Variants in CDH4 observed in about 807,000 individuals in gnomAD.
The protein encoded by CDH4 is cadherin-4.
In CDH4, 33 loss-of-function variants were observed where a neutral mutation model predicts 86.0. The observed-to-expected ratio is 0.38, with a 90% CI of 0.29 to 0.51. CDH4 has a LOEUF of 0.51. Among genes scored for constraint, CDH4 ranks in the 20% least tolerant of loss-of-function variants. The pLI is 0.86. For synonymous variants in CDH4, 555 were observed against 549.4 expected (o/e 1.01, Z -0.14); for missense variants, 1,114 against 1,307.4 (o/e 0.85, Z 2.28).
At chr20:61,596,244 G>A (rs1440601600) in intron 2 of CDH4, among the ~76,000 whole-genome samples, 1 of 152,240 alleles carries the variant, frequency 6.6e-6, no homozygotes, top group Non-Finnish European at 1.5e-5. Flanking sequence ...AGGAATGGAA[G>A]ATGTAGCTAT....
rs1479096732 is a variant in CDH4, at chr20:61,544,843, A to G, written c.170-198720A>G. The stretch of plus-strand genomic sequence containing the variant: ...CCTTGTTCCTCGGTTATAAAACTTG[A>G]GCTTTTAATTGAGGGGAGGGGGGAT... On this transcript the variant is annotated intron_variant, in intron 2 of 15. Coordinates refer to ENST00000614565, the MANE Select transcript of CDH4 (RefSeq NM_001794.5). The surrounding 1 kb of genome is among the most constrained non-coding windows in gnomAD (Gnocchi z 6.5). Among the ~76,000 whole-genome samples, 1 of 151,928 alleles carries G rather than the reference A, an allele frequency of 6.6e-6. No homozygotes were observed. Among genetic ancestry groups the G allele is most frequent in the Non-Finnish European group, 1.5e-5 (1 of 67,988 alleles).
intron 2 of CDH4, among the ~76,000 whole-genome samples, chr20:61,460,834 C>T (rs2085437954): frequency 6.6e-6 from 1 of 152,170 alleles, no homozygotes; most frequent in East Asian, 1.9e-4. Flanking sequence ...GTGTATCTGG[C>T]TCGATGCATG....
At chr20:61,376,897 A>G (rs963296504) in intron 2 of CDH4, among the ~76,000 whole-genome samples, 4 of 152,184 alleles carry the variant, frequency 2.6e-5, no homozygotes, top group African/African-American at 9.6e-5. Context: ...AAATGCCCTG[A>G]TCTGACAGCC....
chr20:61,281,987 A>G (rs2084261446), intron 2 of CDH4, among the ~76,000 whole-genome samples: 1 of 152,340 alleles, frequency 6.6e-6, no homozygotes, highest in East Asian at 1.9e-4. Flanking sequence ...GGGTTGGGCC[A>G]GTCAGCAGCC....
At chr20:61,591,968 G>A (rs1056669354) in intron 2 of CDH4, among the ~76,000 whole-genome samples, 22 of 152,076 alleles carry the variant, frequency 1.4e-4, no homozygotes, top group South Asian at 4.1e-4. Context: ...AGCAAATACC[G>A]CCAACTGTTT....
intron 4 of CDH4, among the ~76,000 whole-genome samples, chr20:61,773,877 T>C (rs2088808669): frequency 6.6e-6 from 1 of 152,110 alleles, no homozygotes; most frequent in Non-Finnish European, 1.5e-5. Context: ...TCATTCTTTG[T>C]GCTGTTTAGT....
chr20:61,756,056 T>C (rs1337708426), intron 3 of CDH4, among the ~76,000 whole-genome samples: 2 of 152,206 alleles, frequency 1.3e-5, no homozygotes, highest in African/African-American at 4.8e-5. Flanking sequence ...GCTGCGCCAC[T>C]GTGTCCACTG....
chr20:61,440,087 A>C (rs904345715), intron 2 of CDH4, among the ~76,000 whole-genome samples: 1 of 152,244 alleles, frequency 6.6e-6, no homozygotes, highest in Non-Finnish European at 1.5e-5. Flanking sequence ...AGTGCAAGAA[A>C]TGCAAACATG....
intron 2 of CDH4, among the ~76,000 whole-genome samples, chr20:61,636,307 A>G (rs1316218306): frequency 6.6e-6 from 1 of 152,264 alleles, no homozygotes; most frequent in African/African-American, 2.4e-5. Context: ...AGCCAGTGTG[A>G]AAAGGCAGAA....
intron 9 of CDH4, among the ~76,000 whole-genome samples, chr20:61,921,634 C>T (rs555983219): frequency 1.3e-5 from 2 of 152,160 alleles, no homozygotes; most frequent in South Asian, 4.2e-4. Context: ...CACCTGTAAT[C>T]CCAGCTACTG....
chr20:61,533,696 G>A (rs2085973486), intron 2 of CDH4, among the ~76,000 whole-genome samples: 1 of 152,258 alleles, frequency 6.6e-6, no homozygotes, highest in Admixed American at 6.5e-5. Flanking sequence ...GGTGCCCCAT[G>A]AGACTAGATG....
At chr20:61,483,568 T>G (rs1232492552) in intron 2 of CDH4, among the ~76,000 whole-genome samples, 8 of 152,220 alleles carry the variant, frequency 5.3e-5, no homozygotes, top group Non-Finnish European at 1.2e-4. Flanking sequence ...TACTGTGAGC[T>G]GAGGCCTGGA....
chr20:61,783,104 A>G (rs956656782), intron 4 of CDH4, among the ~76,000 whole-genome samples: 8 of 152,236 alleles, frequency 5.3e-5, no homozygotes, highest in African/African-American at 1.7e-4. Context: ...GAATTTCTTT[A>G]TATATGCGTC....
chr20:61,542,418 G>A (rs944324534), intron 2 of CDH4, among the ~76,000 whole-genome samples: 5 of 152,082 alleles, frequency 3.3e-5, no homozygotes, highest in African/African-American at 9.7e-5. Flanking sequence ...TGGCATGTTC[G>A]TTTAGATCCT....
chr20:61,644,786 C>T (rs957607228), intron 2 of CDH4, among the ~76,000 whole-genome samples: 1 of 100,090 alleles, frequency 1.0e-5, no homozygotes, highest in African/African-American at 4.1e-5. Context: ...GGCAGCCCAC[C>T]GTCAGCCAGG....
chr20:61,700,164 C>G (rs1235361793), intron 2 of CDH4, among the ~76,000 whole-genome samples: 1 of 152,212 alleles, frequency 6.6e-6, no homozygotes, highest in Non-Finnish European at 1.5e-5. Flanking sequence ...CCCCTTCACT[C>G]CAGCCGTGAG....
chr20:61,271,400 C>G (rs911750508), intron 2 of CDH4, among the ~76,000 whole-genome samples: 1 of 152,228 alleles, frequency 6.6e-6, no homozygotes, highest in Non-Finnish European at 1.5e-5. Context: ...TTGACAATGG[C>G]GCTCCTTCTT....
intron 2 of CDH4, among the ~76,000 whole-genome samples, chr20:61,334,103 T>G (rs1326403530): frequency 6.6e-6 from 1 of 152,200 alleles, no homozygotes; most frequent in Non-Finnish European, 1.5e-5. Flanking sequence ...GGCCTGGAAT[T>G]GGAGCCACTG....
rs373928047 is a variant in CDH4 at position 61,934,156 on chromosome 20, A to G, written c.2480A>G (p.Glu827Gly). The G allele has an allele frequency of 3.0e-5, 48 of 1,608,988 alleles. No individual in the cohort carries two copies. Among genetic ancestry groups the G allele is most frequent in the Non-Finnish European group, 3.8e-5 (45 of 1,177,718 alleles). ...RRVDERPVGA[E>G]PQYPIRPMVP... is the part of the protein sequence containing the mutation. ...GTGGATGAGCGGCCGGTGGGCGCTG[A>G]GCCCCAGTACCCGATCAGGCCCATG... The change falls in exon 15 of 16, where the codon GAG becomes GGG. Residue 827 changes from glutamate (E) to glycine (G), a missense_variant. By Grantham distance (98) the Glu-to-Gly change is moderately conservative (BLOSUM62 -2). This residue lies in a region of CDH4 where 188 missense variants were observed against 183.8 expected (regional missense o/e 1.02). Coordinates refer to ENST00000614565, the MANE Select transcript of CDH4 (RefSeq NM_001794.5).
Sources: gnomAD v4.1 joint callset for allele counts (sites outside exome capture counted in the v4.1 genomes callset) on GRCh38, gnomAD v4.1.1 for gene constraint, gnomAD v4.1.1 regional missense constraint, Gnocchi (gnomAD v3.1) non-coding constraint, MANE v1.5 for transcripts, NCBI Gene and HGNC (gene_info 2026-07-23, HGNC 2026-07-21) for gene names.